PRKG1: variants seen among roughly 807,000 people sequenced by gnomAD.
The protein encoded by PRKG1 is cGMP-dependent protein kinase 1.
Under a neutral mutation model 88.1 loss-of-function variants are expected in PRKG1, and 35 were observed. That is an observed-to-expected ratio of 0.40 (90% confidence interval 0.30 to 0.53). PRKG1 has a LOEUF of 0.53. PRKG1 is among the 20% of genes least tolerant of loss of function. PRKG1 has a pLI of 0.59. For synonymous variants in PRKG1, 303 were observed against 292.5 expected (o/e 1.04, Z -0.37); for missense variants, 540 against 839.8 (o/e 0.64, Z 4.41).
At chr10:51,104,718 A>T (rs1844782603) in intron 1 of PRKG1, among the ~76,000 whole-genome samples, 9 of 138,366 alleles carry the variant, frequency 6.5e-5, no homozygotes. Context: ...TTATTTATTT[A>T]TTTATTTATT....
intron 1 of PRKG1, among the ~76,000 whole-genome samples, chr10:51,057,159 A>G (rs559975369): frequency 6.6e-6 from 1 of 152,372 alleles, no homozygotes; most frequent in Admixed American, 6.5e-5. Context: ...TTGTGTGTAT[A>G]TACACACACA....
intron 5 of PRKG1, among the ~76,000 whole-genome samples, chr10:51,992,138 G>A (rs1000647874): frequency 1.3e-5 from 2 of 152,088 alleles, no homozygotes; most frequent in African/African-American, 2.4e-5. Context: ...CAGGGTATTT[G>A]ATAAATCATT....
At chr10:51,661,355 C>T (rs1021425593) in intron 3 of PRKG1, among the ~76,000 whole-genome samples, 3 of 152,008 alleles carry the variant, frequency 2.0e-5, no homozygotes, top group Non-Finnish European at 4.4e-5. Context: ...CTTTTTAATA[C>T]ATTGGAGTTA....
chr10:51,912,185 T>C (rs1842232959), intron 5 of PRKG1, among the ~76,000 whole-genome samples: 1 of 152,176 alleles, frequency 6.6e-6, no homozygotes, highest in African/African-American at 2.4e-5. Context: ...AAAGTAGGAA[T>C]GAGTTTGCTG....
chr10:51,917,513 T>A (rs542735149), intron 5 of PRKG1, among the ~76,000 whole-genome samples: 5 of 152,304 alleles, frequency 3.3e-5, no homozygotes, highest in African/African-American at 9.6e-5. Flanking sequence ...TCAGTTGTGA[T>A]AATTTCAATG....
rs574056004 is a variant in PRKG1 at position 51,406,989 on chromosome 10, C to T, written c.479-60734C>T. Among the ~76,000 whole-genome samples, 6 of 152,254 alleles carry T rather than the reference C, an allele frequency of 3.9e-5. No homozygotes were observed. In the East Asian group the frequency reaches 5.8e-4, roughly 15 times the overall value. ...ACGTTTGAGGGCAGGAAGCATCCAGCGTGGGAGAAACATGTAGGCTGGGAG... is the reference window on the plus strand; with the variant it reads ...ACGTTTGAGGGCAGGAAGCATCCAGTGTGGGAGAAACATGTAGGCTGGGAG... On this transcript the variant is annotated intron_variant, in intron 2 of 17. Coordinates refer to ENST00000373980, the MANE Select transcript of PRKG1 (RefSeq NM_006258.4).
intron 5 of PRKG1, among the ~76,000 whole-genome samples, chr10:52,042,125 A>C (rs1479265218): frequency 2.0e-5 from 3 of 152,158 alleles, no homozygotes; most frequent in Non-Finnish European, 4.4e-5. Flanking sequence ...TGTTATATTA[A>C]ATATTGTTGA....
At chr10:51,654,573 C>CAA (rs1343674788) in intron 3 of PRKG1, among the ~76,000 whole-genome samples, 1 of 152,108 alleles carries the variant, frequency 6.6e-6, no homozygotes, top group African/African-American at 2.4e-5. Flanking sequence ...CACACACACA[C>CAA]AACCAAACTC....
chr10:51,711,661 A>G (rs1841754750), intron 3 of PRKG1, among the ~76,000 whole-genome samples: 1 of 152,160 alleles, frequency 6.6e-6, no homozygotes, highest in Non-Finnish European at 1.5e-5. Context: ...AAGCTGTAGC[A>G]TTTTTTGTCT....
At chr10:51,132,161 C>A (rs544928369) in intron 1 of PRKG1, among the ~76,000 whole-genome samples, 1 of 151,980 alleles carries the variant, frequency 6.6e-6, no homozygotes. Context: ...ATCAGAGGTA[C>A]GTCTTTCTAA....
intron 7 of PRKG1, among the ~76,000 whole-genome samples, chr10:52,070,874 A>C (rs1318084449): frequency 2.0e-5 from 3 of 152,190 alleles, no homozygotes; most frequent in Admixed American, 6.5e-5. Flanking sequence ...TGAGCTCTGA[A>C]ATGAGACTTC....
intron 4 of PRKG1, among the ~76,000 whole-genome samples, chr10:51,822,600 T>C (rs1169431497): frequency 6.6e-6 from 1 of 152,184 alleles, no homozygotes; most frequent in Non-Finnish European, 1.5e-5. Flanking sequence ...ATGAAATCAG[T>C]GATTACCACA....
At chr10:52,171,936 G>A (rs10824196) in intron 9 of PRKG1, among the ~76,000 whole-genome samples, 117,158 of 149,036 alleles carry the variant, frequency 0.79, 46,439 homozygotes, top group Admixed American at 0.84. Context: ...CCGAGTAGCT[G>A]GGACTACAGG....
chr10:51,025,748 G>A (rs1450002643), intron 1 of PRKG1, among the ~76,000 whole-genome samples: 1 of 152,106 alleles, frequency 6.6e-6, no homozygotes, highest in Non-Finnish European at 1.5e-5. Flanking sequence ...GGCACCACAA[G>A]TTCTTTAAAC....
intron 1 of PRKG1, among the ~76,000 whole-genome samples, chr10:51,036,017 C>G (rs1843349442): frequency 6.6e-6 from 1 of 151,950 alleles, no homozygotes; most frequent in South Asian, 2.1e-4. Context: ...ACAAGTTATC[C>G]CATGTTTATT....
chr10:51,193,851 T>G (rs1241503114), intron 2 of PRKG1, among the ~76,000 whole-genome samples: 2 of 152,124 alleles, frequency 1.3e-5, no homozygotes, highest in Non-Finnish European at 2.9e-5. Flanking sequence ...ATCTGCACAT[T>G]TGTGCCTATA....
intron 9 of PRKG1, among the ~76,000 whole-genome samples, chr10:52,247,222 A>T (rs1423977623): frequency 6.6e-6 from 1 of 152,200 alleles, no homozygotes; most frequent in African/African-American, 2.4e-5. Flanking sequence ...TAAATTAAAA[A>T]TGATTAGAAA....
chr10:51,138,675 GTTTTTTTTTTT>G (rs71459405), intron 1 of PRKG1, among the ~76,000 whole-genome samples: 19 of 68,490 alleles, frequency 2.8e-4, no homozygotes, highest in Non-Finnish European at 5.1e-4. Flanking sequence ...ATTGAGTTTT[GTTTTTTTTTTT>G]TTTTTTTTTT....
At chr10:52,121,259 T>C (rs1460414336) in intron 7 of PRKG1, among the ~76,000 whole-genome samples, 2 of 152,162 alleles carry the variant, frequency 1.3e-5, no homozygotes, top group Non-Finnish European at 2.9e-5. Context: ...GGAGGGGCAG[T>C]CCTGAACATA....
Sources: gnomAD v4.1 joint callset for allele counts (sites outside exome capture counted in the v4.1 genomes callset) on GRCh38, gnomAD v4.1.1 for gene constraint, MANE v1.5 for transcripts, NCBI Gene and HGNC (gene_info 2026-07-23, HGNC 2026-07-21) for gene names.